ERC1: variants seen among roughly 807,000 people sequenced by gnomAD.
ERC1 encodes RAB6 interacting protein 2.
In ERC1, 56 loss-of-function variants were observed where a neutral mutation model predicts 132.0. The ratio of observed to expected loss-of-function variants is 0.42; its 90% confidence interval spans 0.34 to 0.53. The LOEUF (loss-of-function observed/expected upper bound fraction) is 0.53, where lower values mean the gene tolerates loss of function less well. Among genes scored for constraint, ERC1 ranks in the 20% least tolerant of loss-of-function variants. ERC1 has a pLI of 0.03. For missense variants in ERC1, 1,202 were observed against 1,349.9 expected, an observed-to-expected ratio of 0.89 and a Z score of 1.72; for synonymous variants, 478 against 476.1, an observed-to-expected ratio of 1.00 and a Z score of -0.05.
intron 1 of ERC1, among the ~76,000 whole-genome samples, chr12:1,008,111 G>A (rs1024288063): frequency 1.3e-5 from 2 of 152,182 alleles, no homozygotes; most frequent in Non-Finnish European, 2.9e-5. Context: ...CAGGGATTCT[G>A]CTAGATACCG....
intron 4 of ERC1, among the ~76,000 whole-genome samples, chr12:1,105,088 C>A (rs894778118): frequency 6.6e-6 from 1 of 152,058 alleles, no homozygotes; most frequent in African/African-American, 2.4e-5. Flanking sequence ...GTCTCAGGAC[C>A]CCTTTATTCT....
intron 13 of ERC1, among the ~76,000 whole-genome samples, chr12:1,261,061 T>G (rs1048808359): frequency 1.3e-5 from 2 of 152,236 alleles, no homozygotes; most frequent in Admixed American, 6.5e-5. Flanking sequence ...TGAAACTTGA[T>G]TCTCTGCATT....
chr12:1,310,353 C>T (rs922018376), intron 15 of ERC1, among the ~76,000 whole-genome samples: 13 of 151,998 alleles, frequency 8.6e-5, no homozygotes, highest in East Asian at 1.9e-4. Context: ...AATACAGGTG[C>T]GCGCCAACAG....
chr12:1,172,298 C>A (rs1953151963), intron 8 of ERC1, among the ~76,000 whole-genome samples: 1 of 152,064 alleles, frequency 6.6e-6, no homozygotes, highest in Non-Finnish European at 1.5e-5. Context: ...TGCAGTACTT[C>A]ATCTCTACAA....
intron 18 of ERC1, chr12:1,480,784 T>G: frequency 1.4e-6 from 1 of 701,638 alleles, no homozygotes. Flanking sequence ...ATATCTCGAG[T>G]AATACCTTTT....
At position 1,349,679 on chromosome 12, in the gene ERC1, AAG is replaced by A. The variant is rs1491043023; in HGVS notation, c.2781-22153_2781-22152del. On this transcript the variant is annotated intron_variant, in intron 15 of 18. Coordinates refer to ENST00000360905, the MANE Select transcript of ERC1 (RefSeq NM_178040.4). Reference sequence around the variant, plus strand: ...ACCGTCTAAAAAAAAAAAAAAAAAAAAGTTATTTTTGATACCTTGGAATGTGT... The same window carrying A: ...ACCGTCTAAAAAAAAAAAAAAAAAAATTATTTTTGATACCTTGGAATGTGT... 2.5e-4 allele frequency among the ~76,000 whole-genome samples: 38 copies of A among 151,780 alleles called. 1 individual carries two copies. Among genetic ancestry groups the A allele is most frequent in the Admixed American group, 1.3e-3 (20 of 15,252 alleles).
At chr12:1,096,727 G>GC (rs1260075972) in intron 3 of ERC1, among the ~76,000 whole-genome samples, 5 of 152,142 alleles carry the variant, frequency 3.3e-5, no homozygotes, top group Non-Finnish European at 7.4e-5. Flanking sequence ...AATATGGAAT[G>GC]CATGTAAGAA....
chr12:1,156,017 T>A (rs1045593986), intron 8 of ERC1, among the ~76,000 whole-genome samples: 2 of 152,086 alleles, frequency 1.3e-5, no homozygotes. Flanking sequence ...AAAGTTTCTA[T>A]GCATATCAAG....
chr12:1,162,002 T>C (rs1023179945), intron 8 of ERC1, among the ~76,000 whole-genome samples: 10 of 152,224 alleles, frequency 6.6e-5, no homozygotes, highest in African/African-American at 2.4e-4. Context: ...ATGGCAGTTA[T>C]GGTAATCGCT....
At position 1,493,382 on chromosome 12, in the gene ERC1, A is replaced by T. The variant is rs1164189565; in HGVS notation, c.*3152A>T. 5.8e-6 allele frequency: 1 copy of T among 173,436 alleles called. No individual in the cohort carries two copies. Among genetic ancestry groups the T allele is most frequent in the African/African-American group, 2.4e-5 (1 of 41,908 alleles). The allele number at this position is 173,436 out of a possible 1,614,324, so 10.7% of individuals were successfully genotyped here. Reference sequence around the variant, plus strand: ...AGATGGCAAAAACCCCGACTCTACTAAAAATACAAAATTAGCCAGGCGTGG... The same window carrying T: ...AGATGGCAAAAACCCCGACTCTACTTAAAATACAAAATTAGCCAGGCGTGG... On this transcript the variant is annotated 3_prime_UTR_variant, in exon 19 of 19. Coordinates refer to ENST00000360905, the MANE Select transcript of ERC1 (RefSeq NM_178040.4).
intron 18 of ERC1, among the ~76,000 whole-genome samples, chr12:1,461,859 A>G (rs1042379658): frequency 2.0e-5 from 3 of 152,144 alleles, no homozygotes; most frequent in Admixed American, 2.0e-4. Context: ...AAAATGGTAA[A>G]TAGGACTTTA....
At chr12:1,305,453 G>C (rs1361095436) in intron 15 of ERC1, among the ~76,000 whole-genome samples, 1 of 152,112 alleles carries the variant, frequency 6.6e-6, no homozygotes, top group Non-Finnish European at 1.5e-5. Flanking sequence ...CTGAGCCCCA[G>C]TCCTGGGATC....
At chr12:1,318,267 T>A (rs1285005743) in intron 15 of ERC1, among the ~76,000 whole-genome samples, 1 of 152,190 alleles carries the variant, frequency 6.6e-6, no homozygotes, top group Non-Finnish European at 1.5e-5. Flanking sequence ...GTTTGGTATT[T>A]TGCTGAGATA....
At chr12:1,042,343 T>TTG (rs1159619791) in intron 2 of ERC1, among the ~76,000 whole-genome samples, 9 of 144,302 alleles carry the variant, frequency 6.2e-5, no homozygotes, top group South Asian at 4.8e-4. Flanking sequence ...GGCCTGTTTT[T>TTG]TTTTTTTTTT....
In ERC1 at chr12:1,198,047, T is replaced by C. The variant is rs556805172; in HGVS notation, c.2351+7995T>C. ...CTCAGGTGATCCGCCCACCTCAACC[T>C]CCTGGGTAGCTGAGACTAGAGGTGC... On this transcript the variant is annotated intron_variant, in intron 12 of 18. Coordinates refer to ENST00000360905, the MANE Select transcript of ERC1 (RefSeq NM_178040.4). Among the ~76,000 whole-genome samples the C allele has an allele frequency of 5.3e-5, 8 of 151,980 alleles. No individual in the cohort carries two copies. The South Asian group carries it at 8.3e-4, about 16-fold the overall frequency.
At chr12:1,071,287 G>A (rs924577138) in intron 2 of ERC1, among the ~76,000 whole-genome samples, 1 of 152,218 alleles carries the variant, frequency 6.6e-6, no homozygotes, top group Admixed American at 6.5e-5. Flanking sequence ...GCAGTTTTCA[G>A]TGTTGCTTCT....
At chr12:1,118,928 TG>T (rs1946748074) in intron 7 of ERC1, among the ~76,000 whole-genome samples, 1 of 152,230 alleles carries the variant, frequency 6.6e-6, no homozygotes, top group Non-Finnish European at 1.5e-5. Flanking sequence ...TGGAGTGCAG[TG>T]GCATGATTAT....
intron 17 of ERC1, chr12:1,430,381 CTTT>C (rs537628665): frequency 3.5e-5 from 5 of 143,308 alleles, no homozygotes; most frequent in East Asian, 2.0e-4. Flanking sequence ...AATTTTCAGG[CTTT>C]TTTTTTTTTT....
intron 12 of ERC1, among the ~76,000 whole-genome samples, chr12:1,212,573 G>A (rs562092044): frequency 3.3e-5 from 5 of 152,166 alleles, no homozygotes; most frequent in South Asian, 4.1e-4. Context: ...AGCTAAAGAC[G>A]GGGTCCTTGT....
Sources: gnomAD v4.1 joint callset for allele counts (sites outside exome capture counted in the v4.1 genomes callset) on GRCh38, gnomAD v4.1.1 for gene constraint, MANE v1.5 for transcripts, NCBI Gene and HGNC (gene_info 2026-07-23, HGNC 2026-07-21) for gene names.